The following SIAE variants were observed in gnomAD, a reference collection of about 807,000 sequenced individuals.
SIAE encodes sialate O-acetylesterase.
SIAE carries 39 observed loss-of-function variants against 52.6 expected under a neutral mutation model. The observed-to-expected ratio is 0.74, with a 90% CI of 0.57 to 0.97. The LOEUF is 0.97. Among genes scored for constraint, SIAE ranks in the 50% least tolerant of loss-of-function variants. The pLI is 0.00. For synonymous variants in SIAE, 233 were observed against 241.4 expected, an observed-to-expected ratio of 0.97 and a Z score of 0.32; for missense variants, 592 against 662.1, an observed-to-expected ratio of 0.89 and a Z score of 1.16.
chr11:124,640,748 A>ATGTGG (rs1299986242), intron 7 of SIAE, among the ~76,000 whole-genome samples: 1 of 152,202 alleles, frequency 6.6e-6, no homozygotes, highest in African/African-American at 2.4e-5. Context: ...AAGCTCAGCC[A>ATGTGG]TGTGGTTTGC....
At chr11:124,652,587 G>A (rs1008989484) in intron 4 of SIAE, among the ~76,000 whole-genome samples, 5 of 151,678 alleles carry the variant, frequency 3.3e-5, no homozygotes, top group Non-Finnish European at 1.5e-5. Flanking sequence ...CCAGCTACTC[G>A]GGAGGCTGAG....
intron 2 of SIAE, among the ~76,000 whole-genome samples, chr11:124,664,778 C>T (rs1270561946): frequency 1.3e-5 from 2 of 151,814 alleles, no homozygotes; most frequent in Non-Finnish European, 2.9e-5. Flanking sequence ...ATTATTGTGC[C>T]AAAATCTGAT....
chr11:124,664,522 C>G (rs1480669380), intron 2 of SIAE, among the ~76,000 whole-genome samples: 1 of 152,164 alleles, frequency 6.6e-6, no homozygotes, highest in African/African-American at 2.4e-5. Flanking sequence ...GCATGAGCTA[C>G]CGCATCCGGC....
At chr11:124,660,577 T>A in intron 3 of SIAE, 51 bp downstream of exon 3, 1 of 1,600,028 alleles carries the variant, frequency 6.2e-7, no homozygotes. Context: ...CTCCTTCTTT[T>A]CCTTCTTCAT....
chr11:124,657,827 G>A (rs890817951), intron 3 of SIAE, among the ~76,000 whole-genome samples: 2 of 152,112 alleles, frequency 1.3e-5, no homozygotes, highest in Non-Finnish European at 2.9e-5. Context: ...GCATTTCCTC[G>A]GGGATATGTG....
intron 7 of SIAE, among the ~76,000 whole-genome samples, chr11:124,646,134 T>C (rs1429155281): frequency 1.3e-5 from 2 of 152,250 alleles, no homozygotes; most frequent in Non-Finnish European, 2.9e-5. Context: ...GTGTAGTTCA[T>C]ATGAACATGT....
chr11:124,660,299 A>G (rs931235907), intron 3 of SIAE: 2 of 246,212 alleles, frequency 8.1e-6, no homozygotes, highest in African/African-American at 3.3e-5. Context: ...TCAAAAAAGA[A>G]AAAAAAAAAA....
rs1264418868 is a variant in SIAE, at chr11:124,637,105, C to T, written c.1418G>A (p.Gly473Asp). ...SLTLAIDSCH[G>D]TVVALRYAWT... is the part of the protein sequence containing the mutation. ...AGCATAGCGGAGAGCAACCACAGTG[C>T]CATGACAAGAATCGATCGCCAGGGT... is the stretch of plus-strand genomic sequence containing the variant. Residue 473 changes from glycine to aspartate, a missense_variant, in exon 10 of 10, where the codon GGC becomes GAC. Coordinates refer to ENST00000263593, the MANE Select transcript of SIAE (RefSeq NM_170601.5). 3 of 1,614,006 alleles carry T rather than the reference C, an allele frequency of 1.9e-6. No individual in the cohort carries two copies. The East Asian group carries it at 6.7e-5, about 36-fold the overall frequency.
At chr11:124,653,215 G>A (rs1290690260) in intron 4 of SIAE, among the ~76,000 whole-genome samples, 5 of 152,320 alleles carry the variant, frequency 3.3e-5, no homozygotes, top group Non-Finnish European at 7.4e-5. Flanking sequence ...TAGACTGTAA[G>A]CTCCATGAGG....
At position 124,667,787 on chromosome 11, in the gene SIAE, C is replaced by T. The variant is rs59635835; in HGVS notation, c.229+1573G>A. 8.9e-3 allele frequency among the ~76,000 whole-genome samples: 1,351 copies of T among 152,270 alleles called. 25 individuals carry two copies. The East Asian group carries it at 0.092, about 10-fold the overall frequency. On this transcript the variant is annotated intron_variant, in intron 2 of 9. Coordinates refer to ENST00000263593, the MANE Select transcript of SIAE (RefSeq NM_170601.5). ...ATCCCATAACTTCTAGCTTTGCCTCCTCCACACCGGCTTCTATATCTTTAT... is the reference window on the plus strand; with the variant it reads ...ATCCCATAACTTCTAGCTTTGCCTCTTCCACACCGGCTTCTATATCTTTAT...
At position 124,660,701 on chromosome 11, in the gene SIAE, C is replaced by T; in HGVS notation, c.332G>A (p.Arg111Lys). 1.9e-6 allele frequency: 3 copies of T among 1,614,206 alleles called. No individual in the cohort carries two copies. Among genetic ancestry groups the T allele is most frequent in the Non-Finnish European group, 8.5e-7 (1 of 1,180,036 alleles). The change falls in exon 3 of 10, where the codon AGA (arginine) becomes AAA (lysine). Residue 111 changes from arginine to lysine, a missense_variant. Transcript: ENST00000263593. Reference protein sequence around the residue: ...QTLEKINFTLRVHDVLFGDVW... With the variant: ...QTLEKINFTLKVHDVLFGDVW... ...ATCTCCAAACAGGACGTCATGAACT[C>T]TCAGGGTGAAGTTTATTTTCTCCAA...
At chr11:124,640,630 T>C (rs1942829758) in intron 7 of SIAE, among the ~76,000 whole-genome samples, 1 of 152,190 alleles carries the variant, frequency 6.6e-6, no homozygotes, top group South Asian at 2.1e-4. Flanking sequence ...CTAAATTGCA[T>C]CAGTGACCCC....
intron 2 of SIAE, among the ~76,000 whole-genome samples, chr11:124,665,707 T>C (rs995393719): frequency 6.6e-6 from 1 of 152,084 alleles, no homozygotes; most frequent in Middle Eastern, 3.2e-3. Context: ...TAACCTCAGC[T>C]ACTCAGGAGG....
intron 2 of SIAE, among the ~76,000 whole-genome samples, chr11:124,662,320 C>T (rs1420206775): frequency 6.6e-6 from 1 of 152,198 alleles, no homozygotes; most frequent in African/African-American, 2.4e-5. Flanking sequence ...CAGGCAGACA[C>T]TCCAATCTGT....
chr11:124,637,108 T>G lies in SIAE; in HGVS notation c.1415A>C (p.His472Pro), dbSNP rs958968169. 3 of 1,614,024 alleles carry G rather than the reference T, an allele frequency of 1.9e-6. No homozygotes were observed. The highest frequency in any genetic ancestry group is 2.5e-6 in the Non-Finnish European group (3 of 1,180,038). Residue 472 changes from histidine to proline, a missense_variant, in exon 10 of 10, where the codon CAT becomes CCT. Transcript: ENST00000263593. ...ATAGCGGAGAGCAACCACAGTGCCA[T>G]GACAAGAATCGATCGCCAGGGTCAG... ...QSLTLAIDSC[H>P]GTVVALRYAW...
chr11:124,643,013 C>T (rs926599948), intron 7 of SIAE, among the ~76,000 whole-genome samples: 3 of 152,160 alleles, frequency 2.0e-5, no homozygotes. Flanking sequence ...CCTTCACTTC[C>T]ACCCTCAGCA....
At chr11:124,655,601 A>G (rs555450667) in intron 3 of SIAE, among the ~76,000 whole-genome samples, 4 of 152,182 alleles carry the variant, frequency 2.6e-5, no homozygotes, top group African/African-American at 9.7e-5. Flanking sequence ...CTCAGACATG[A>G]CTGTTGAACT....
At position 124,638,526 on chromosome 11, in the gene SIAE, C is replaced by T. The variant is rs764574428; in HGVS notation, c.1320+16G>A. On this transcript the variant is annotated intron_variant, in intron 9 of 9. Transcript: ENST00000263593. Reference sequence around the variant, plus strand: ...ACCACAAAATGAACCCCTGTTTATTCTGCTGTTCTTCTCACCTCAAATATC... The same window carrying T: ...ACCACAAAATGAACCCCTGTTTATTTTGCTGTTCTTCTCACCTCAAATATC... 5 of 1,613,678 alleles carry T rather than the reference C, an allele frequency of 3.1e-6. No individual in the cohort carries two copies. The highest frequency in any genetic ancestry group is 4.2e-6 in the Non-Finnish European group (5 of 1,179,564).
intron 5 of SIAE, among the ~76,000 whole-genome samples, chr11:124,649,294 TTAATATATAA>T (rs1280350612): frequency 1.3e-5 from 2 of 150,176 alleles, no homozygotes; most frequent in African/African-American, 2.4e-5. Context: ...CTTCAATATA[TTAATATATAA>T]TAATATATAT....
Sources: allele counts gnomAD v4.1 joint callset (sites outside exome capture counted in the v4.1 genomes callset), GRCh38; gene constraint gnomAD v4.1.1; transcripts MANE v1.5; gene names NCBI Gene and HGNC (gene_info 2026-07-23, HGNC 2026-07-21).